MYO5B: variants seen among roughly 807,000 people sequenced by gnomAD.
The protein encoded by MYO5B is myosin VB, also known as unconventional myosin-Vb.
In MYO5B, 143 loss-of-function variants were observed where a neutral mutation model predicts 229.3. The observed-to-expected ratio is 0.62, with a 90% CI of 0.54 to 0.72. MYO5B has a LOEUF of 0.72. Among genes scored for constraint, MYO5B ranks in the 30% least tolerant of loss-of-function variants. The probability of loss-of-function intolerance (pLI) is 0.00; values close to 1 mark genes in which losing one functional copy is unlikely to be tolerated. For synonymous variants in MYO5B, 918 were observed against 885.2 expected (o/e 1.04, Z -0.66); for missense variants, 2,321 against 2,331.0 (o/e 1.00, Z 0.09).
intron 4 of MYO5B, among the ~76,000 whole-genome samples, chr18:50,006,875 G>C (rs940079739): frequency 4.6e-5 from 7 of 152,110 alleles, no homozygotes; most frequent in Admixed American, 1.3e-4. Context: ...TCTTGTTTGG[G>C]TTTCCTGAGG....
chr18:49,977,065 T>G (rs1212986542), intron 9 of MYO5B, among the ~76,000 whole-genome samples: 1 of 151,992 alleles, frequency 6.6e-6, no homozygotes, highest in African/African-American at 2.4e-5. Context: ...GCGCTGTGAG[T>G]GCAGTGGAGA....
chr18:49,968,982 G>A (rs1041798130), intron 10 of MYO5B, among the ~76,000 whole-genome samples: 7 of 152,184 alleles, frequency 4.6e-5, no homozygotes, highest in Non-Finnish European at 7.3e-5. Flanking sequence ...AGAACAATTC[G>A]GGAAGGTGGA....
chr18:49,929,005 T>C (rs2144193666), intron 17 of MYO5B, among the ~76,000 whole-genome samples: 1 of 152,220 alleles, frequency 6.6e-6, no homozygotes, highest in Non-Finnish European at 1.5e-5. Context: ...GACTATACAT[T>C]AGGTACAGTG....
At chr18:49,886,424 G>A (rs1437075882) in intron 22 of MYO5B, among the ~76,000 whole-genome samples, 2 of 152,104 alleles carry the variant, frequency 1.3e-5, no homozygotes, top group Non-Finnish European at 2.9e-5. Flanking sequence ...TGAGGCTCTA[G>A]AGGTTGAGAG....
intron 10 of MYO5B, among the ~76,000 whole-genome samples, chr18:49,972,819 G>T (rs919345024): frequency 6.6e-6 from 1 of 151,950 alleles, no homozygotes; most frequent in East Asian, 1.9e-4. Context: ...AGAGGAGAAG[G>T]GGCCTGCCTG....
intron 4 of MYO5B, 26 bp from the exon 5 acceptor site, chr18:50,001,437 T>C: frequency 1.9e-6 from 3 of 1,613,772 alleles, no homozygotes; most frequent in Non-Finnish European, 2.5e-6. Flanking sequence ...CTCTGATAAG[T>C]CATTGGCCAT....
chr18:50,078,337 G>A (rs557174945), intron 1 of MYO5B, among the ~76,000 whole-genome samples: 1 of 152,150 alleles, frequency 6.6e-6, no homozygotes, highest in South Asian at 2.1e-4. Flanking sequence ...TTATGACACA[G>A]CACAGACAAA....
intron 1 of MYO5B, among the ~76,000 whole-genome samples, chr18:50,145,479 C>A (rs2032485277): frequency 9.3e-6 from 1 of 107,524 alleles, no homozygotes; most frequent in Non-Finnish European, 1.7e-5. Context: ...GCCTGGGCAA[C>A]AGAGCAAGAC....
intron 14 of MYO5B, among the ~76,000 whole-genome samples, chr18:49,946,049 A>G (rs1292058119): frequency 6.6e-6 from 1 of 152,188 alleles, no homozygotes; most frequent in Non-Finnish European, 1.5e-5. Flanking sequence ...ACCAATCTGC[A>G]TAACTATACT....
chr18:49,928,137 G>C (rs1598888202), intron 17 of MYO5B, among the ~76,000 whole-genome samples: 1 of 152,166 alleles, frequency 6.6e-6, no homozygotes, highest in African/African-American at 2.4e-5. Context: ...GTGAAAAAAT[G>C]CTCAACATCA....
Position 49,824,565 on chromosome 18 carries a change from C to CTCTA in MYO5B, c.*1902_*1905dup. 6.6e-6 allele frequency: 1 copy of CTCTA among 152,406 alleles called. No individual in the cohort carries two copies. The highest frequency in any genetic ancestry group is 6.5e-5 in the Admixed American group (1 of 15,304). The allele number at this position is 152,406 out of a possible 1,614,324, so 9.4% of individuals were successfully genotyped here. On this transcript the variant is annotated 3_prime_UTR_variant, in exon 40 of 40. Coordinates refer to ENST00000285039, the MANE Select transcript of MYO5B (RefSeq NM_001080467.3). ...CACTGCATGTCAAAACTCCTTAACA[C>CTCTA]TCTAACAAGGCATTTTTGGTCTTTT...
Position 50,171,775 on chromosome 18 carries a change from A to G in MYO5B, c.27+22992T>C, listed in dbSNP as rs1163500972. On this transcript the variant is annotated intron_variant, in intron 1 of 39. Transcript: ENST00000285039. Reference sequence around the variant, plus strand: ...TGTGGATGATCCCAGACAGGCAACCATAAATGGTTATTGTTTAGTGAGTGT... The same window carrying G: ...TGTGGATGATCCCAGACAGGCAACCGTAAATGGTTATTGTTTAGTGAGTGT... Among the ~76,000 whole-genome samples the G allele has an allele frequency of 1.6e-5, 2 of 127,644 alleles. 1 individual carries two copies. The highest frequency in any genetic ancestry group is 3.3e-5 in the Non-Finnish European group (2 of 59,830). 83.7% of individuals were successfully genotyped at this position (127,644 alleles called of 152,430 possible).
intron 17 of MYO5B, among the ~76,000 whole-genome samples, chr18:49,923,473 C>T (rs1294757222): frequency 6.6e-6 from 1 of 152,166 alleles, no homozygotes. Context: ...AAGCAAAATC[C>T]TCTCCCCACT....
chr18:49,940,237 C>A (rs1222408608), intron 14 of MYO5B, among the ~76,000 whole-genome samples: 4 of 152,204 alleles, frequency 2.6e-5, no homozygotes, highest in African/African-American at 9.7e-5. Flanking sequence ...AGCTTTTTCA[C>A]ATTACAGTCT....
intron 14 of MYO5B, 60 bp downstream of exon 14, chr18:49,953,200 C>A: frequency 2.6e-6 from 4 of 1,512,064 alleles, no homozygotes; most frequent in Admixed American, 1.7e-5. Context: ...CATCACCACT[C>A]CCTGTCCAGC....
chr18:49,961,715 T>C (rs573222670), intron 12 of MYO5B, among the ~76,000 whole-genome samples: 124 of 152,292 alleles, frequency 8.1e-4, no homozygotes, highest in South Asian at 3.3e-3. Context: ...AGTTAGGTAA[T>C]TGATAAAACC....
Position 50,000,848 on chromosome 18 carries a change from T to C in MYO5B, c.612+407A>G, listed in dbSNP as rs2026038611. ...ATACTGTGGGTTAAAAAATATTCTATCTAGGCTTTCCCGTCCCCCATGAAA... is the reference window on the plus strand; with the variant it reads ...ATACTGTGGGTTAAAAAATATTCTACCTAGGCTTTCCCGTCCCCCATGAAA... On this transcript the variant is annotated intron_variant, in intron 5 of 39. Transcript: ENST00000285039. 1.3e-5 allele frequency among the ~76,000 whole-genome samples: 2 copies of C among 152,186 alleles called. 1 individual carries two copies. Among genetic ancestry groups the C allele is most frequent in the South Asian group, 4.1e-4 (2 of 4,824 alleles).
chr18:49,996,156 G>A (rs891767118), intron 5 of MYO5B, among the ~76,000 whole-genome samples: 5 of 152,168 alleles, frequency 3.3e-5, no homozygotes, highest in Admixed American at 2.6e-4. Context: ...TTTGCCCAAG[G>A]TCTAAAGATC....
intron 22 of MYO5B, among the ~76,000 whole-genome samples, chr18:49,882,644 A>G (rs1050368152): frequency 6.7e-6 from 1 of 149,398 alleles, no homozygotes; most frequent in Non-Finnish European, 1.5e-5. Context: ...AAAAAAAAGA[A>G]AGAGGAAACC....
Sources: gnomAD v4.1 joint callset for allele counts (sites outside exome capture counted in the v4.1 genomes callset) on GRCh38, gnomAD v4.1.1 for gene constraint, MANE v1.5 for transcripts, NCBI Gene and HGNC (gene_info 2026-07-23, HGNC 2026-07-21) for gene names.